HDAC9: variants seen among roughly 807,000 people sequenced by gnomAD.
HDAC9 encodes histone deacetylase 9, also known as MEF-2 interacting transcription repressor (MITR) protein.
HDAC9 carries 41 observed loss-of-function variants against 139.4 expected under a neutral mutation model. The observed-to-expected ratio is 0.29, with a 90% CI of 0.23 to 0.38. The LOEUF is 0.38. HDAC9 is among the 10% of genes least tolerant of loss of function. The probability of loss-of-function intolerance (pLI) is 1.00; values close to 1 mark genes in which losing one functional copy is unlikely to be tolerated. For missense variants in HDAC9, 1,147 were observed against 1,297.0 expected, an observed-to-expected ratio of 0.88 and a Z score of 1.78; for synonymous variants, 517 against 476.2, an observed-to-expected ratio of 1.09 and a Z score of -1.12.
chr7:18,943,790 C>G (rs1012575983), intron 23 of HDAC9, among the ~76,000 whole-genome samples: 2 of 152,038 alleles, frequency 1.3e-5, no homozygotes, highest in South Asian at 2.1e-4. Context: ...TCCTGTTACT[C>G]TCATAAGACT....
rs540956604 is a variant in HDAC9 at position 18,980,673 on chromosome 7, GTTCTTGTTCTTCTTGTTC to G, written c.3170+4726_3170+4743del. 4.3e-4 allele frequency among the ~76,000 whole-genome samples: 37 copies of G among 86,790 alleles called. No individual in the cohort carries two copies. The East Asian group carries it at 0.022, about 52-fold the overall frequency. 56.9% of individuals were successfully genotyped at this position (86,790 alleles called of 152,430 possible). A position where few individuals can be genotyped will look rare whatever the true frequency, so the allele number is the denominator to read the frequency against. On this transcript the variant is annotated intron_variant, in intron 25 of 25. Coordinates refer to ENST00000686413, the MANE Select transcript of HDAC9 (RefSeq NM_178425.4). ...TGTTACACTTTTTCTTGTTCTTCTT[GTTCTTGTTCTTCTTGTTC>G]TTCTTCCTTCTTCTTCCTTCTTCCT...
At chr7:18,367,480 A>G (rs1784277076) in intron 1 of HDAC9, among the ~76,000 whole-genome samples, 2 of 152,112 alleles carry the variant, frequency 1.3e-5, no homozygotes, top group Non-Finnish European at 2.9e-5. Context: ...TTCCTTTTGT[A>G]TATATAAACT....
At chr7:18,352,718 T>A (rs552056156) in intron 1 of HDAC9, among the ~76,000 whole-genome samples, 1 of 152,124 alleles carries the variant, frequency 6.6e-6, no homozygotes, top group Non-Finnish European at 1.5e-5. Context: ...ACTTACCATA[T>A]AGAGTTAGTG....
At chr7:18,240,828 A>T (rs543852556) in intron 2 of HDAC9, among the ~76,000 whole-genome samples, 2 of 152,190 alleles carry the variant, frequency 1.3e-5, no homozygotes, top group African/African-American at 4.8e-5. Flanking sequence ...TCTTGCATAC[A>T]GCAAACACAG....
chr7:18,628,933 T>C (rs566723651), intron 6 of HDAC9, among the ~76,000 whole-genome samples: 1 of 152,230 alleles, frequency 6.6e-6, no homozygotes, highest in African/African-American at 2.4e-5. Context: ...GTCTCTAAAA[T>C]CACATTCAGT....
intron 7 of HDAC9, among the ~76,000 whole-genome samples, chr7:18,633,543 T>C (rs1782957055): frequency 6.6e-6 from 1 of 152,016 alleles, no homozygotes; most frequent in East Asian, 1.9e-4. Flanking sequence ...AAATGCCTTA[T>C]ATTTGAAATG....
At chr7:18,933,260 A>C (rs1477500775) in intron 22 of HDAC9, among the ~76,000 whole-genome samples, 1 of 152,130 alleles carries the variant, frequency 6.6e-6, no homozygotes, top group Non-Finnish European at 1.5e-5. Flanking sequence ...CCAAGTAAAG[A>C]CTTGGACCCT....
intron 23 of HDAC9, among the ~76,000 whole-genome samples, chr7:18,938,582 C>A (rs117272600): frequency 1.6e-4 from 25 of 151,660 alleles, no homozygotes; most frequent in African/African-American, 5.3e-4. Flanking sequence ...GCGACAGAGG[C>A]GAGACTCCGT....
intron 1 of HDAC9, among the ~76,000 whole-genome samples, chr7:18,405,311 A>G (rs1787907687): frequency 6.6e-6 from 1 of 152,198 alleles, no homozygotes; most frequent in South Asian, 2.1e-4. Flanking sequence ...ACATGCACAA[A>G]TATAACTCCA....
intron 1 of HDAC9, among the ~76,000 whole-genome samples, chr7:18,468,750 T>C (rs1794496877): frequency 1.3e-5 from 2 of 152,210 alleles, no homozygotes; most frequent in African/African-American, 4.8e-5. Context: ...CATGAATGAA[T>C]GGGATCTGTA....
At chr7:18,589,449 G>A (rs1830345179) in intron 3 of HDAC9, among the ~76,000 whole-genome samples, 2 of 152,070 alleles carry the variant, frequency 1.3e-5, no homozygotes, top group African/African-American at 2.4e-5. Flanking sequence ...TGGGAGTATC[G>A]CTTGAGCCCA....
chr7:18,803,891 G>T (rs1282562642), intron 17 of HDAC9, among the ~76,000 whole-genome samples: 3 of 152,180 alleles, frequency 2.0e-5, no homozygotes, highest in African/African-American at 4.8e-5. Flanking sequence ...AATAATCAAT[G>T]ATTAATTTAT....
In HDAC9 at chr7:18,336,536, A is replaced by C. The variant is rs923879468; in HGVS notation, c.-42+46021A>C. Among the ~76,000 whole-genome samples, 4 of 151,644 alleles carry C rather than the reference A, an allele frequency of 2.6e-5. No homozygotes were observed. The East Asian group carries it at 7.8e-4, about 29-fold the overall frequency. On this transcript the variant is annotated intron_variant, in intron 1 of 3. Transcript: ENST00000413509. Reference sequence around the variant, plus strand: ...TGAATATATGTAAAATTGTCTCTATATTTTAAAGAATAAAACTGATAGAAA... The same window carrying C: ...TGAATATATGTAAAATTGTCTCTATCTTTTAAAGAATAAAACTGATAGAAA...
At chr7:18,746,376 G>T (rs1219258901) in intron 13 of HDAC9, among the ~76,000 whole-genome samples, 1 of 152,006 alleles carries the variant, frequency 6.6e-6, no homozygotes, top group African/African-American at 2.4e-5. Context: ...CTTCCTTCCT[G>T]CTTGCCTGCT....
At chr7:18,742,347 C>T (rs1215982518) in intron 13 of HDAC9, among the ~76,000 whole-genome samples, 1 of 152,188 alleles carries the variant, frequency 6.6e-6, no homozygotes, top group Non-Finnish European at 1.5e-5. Flanking sequence ...AGACCCTCCA[C>T]AAGCAAAAAG....
At chr7:18,475,005 T>C (rs1281376987) in intron 1 of HDAC9, among the ~76,000 whole-genome samples, 1 of 152,242 alleles carries the variant, frequency 6.6e-6, no homozygotes, top group Non-Finnish European at 1.5e-5. Flanking sequence ...TAAGTGTTAA[T>C]AGAATTTTAA....
intron 2 of HDAC9, among the ~76,000 whole-genome samples, chr7:18,584,605 C>G (rs1287576666): frequency 6.6e-6 from 1 of 151,840 alleles, no homozygotes; most frequent in Non-Finnish European, 1.5e-5. Context: ...CTTTTTCCAC[C>G]TTGTTTATTT....
chr7:18,431,271 T>C (rs1790633982), intron 1 of HDAC9, among the ~76,000 whole-genome samples: 1 of 152,182 alleles, frequency 6.6e-6, no homozygotes, highest in Admixed American at 6.5e-5. Flanking sequence ...ATATATTAAA[T>C]GTTAAAGCCC....
intron 2 of HDAC9, among the ~76,000 whole-genome samples, chr7:18,264,206 A>G (rs1471597368): frequency 6.6e-6 from 1 of 152,254 alleles, no homozygotes; most frequent in Admixed American, 6.5e-5. Flanking sequence ...CCACCCAACA[A>G]CAGTGGAATA....
Sources: allele counts gnomAD v4.1 joint callset (sites outside exome capture counted in the v4.1 genomes callset), GRCh38; gene constraint gnomAD v4.1.1; transcripts MANE v1.5; gene names NCBI Gene and HGNC (gene_info 2026-07-23, HGNC 2026-07-21).